The following DAP variants were observed in gnomAD, a reference collection of about 807,000 sequenced individuals.
The protein encoded by DAP is death-associated protein 1.
A neutral mutation model predicts 13.8 loss-of-function variants in DAP; 8 were observed. The ratio of observed to expected loss-of-function variants is 0.58; its 90% CI spans 0.34 to 1.05. The LOEUF (loss-of-function observed/expected upper bound fraction) is 1.05. DAP is among the 50% of genes least tolerant of loss of function. The pLI is 0.03. For missense variants in DAP, 106 were observed against 133.2 expected (o/e 0.80, Z 1.01); for synonymous variants, 47 against 47.5 (o/e 0.99, Z 0.04).
chr5:10,708,309 GAC>G (rs1290762647), intron 2 of DAP, among the ~76,000 whole-genome samples: 10 of 151,506 alleles, frequency 6.6e-5, no homozygotes, highest in African/African-American at 9.8e-5. Context: ...CACACATAGA[GAC>G]ACACAGACAC....
chr5:10,705,100 C>G (rs1738666128), intron 2 of DAP, among the ~76,000 whole-genome samples: 1 of 152,162 alleles, frequency 6.6e-6, no homozygotes, highest in South Asian at 2.1e-4. Flanking sequence ...TGAAATGCCC[C>G]TTAGTGTAAT....
intron 2 of DAP, among the ~76,000 whole-genome samples, chr5:10,730,191 ATTTTG>A (rs574154781): frequency 1.2e-3 from 181 of 152,186 alleles, no homozygotes; most frequent in African/African-American, 3.9e-3. Context: ...GAGAAGAGGG[ATTTTG>A]TTTTGCTCAC....
chr5:10,710,594 G>A (rs1024579769), intron 2 of DAP, among the ~76,000 whole-genome samples: 1 of 152,226 alleles, frequency 6.6e-6, no homozygotes, highest in African/African-American at 2.4e-5. Flanking sequence ...AGGGTGCAGA[G>A]GAAGGCACGA....
intron 2 of DAP, among the ~76,000 whole-genome samples, chr5:10,730,644 AG>A (rs1739430391): frequency 4.8e-4 from 14 of 29,338 alleles, no homozygotes; most frequent in East Asian, 9.7e-4. Context: ...GAGCCCTGGT[AG>A]GGGGGAATCT....
intron 2 of DAP, among the ~76,000 whole-genome samples, chr5:10,712,497 G>A (rs574015861): frequency 2.0e-5 from 3 of 152,202 alleles, no homozygotes; most frequent in Non-Finnish European, 4.4e-5. Flanking sequence ...CACATAGGAA[G>A]GGCAGGAGAG....
Position 10,680,587 on chromosome 5 carries a change from G to T in DAP, c.*469C>A. 1.3e-6 allele frequency: 1 copy of T among 780,392 alleles called. No homozygotes were observed. The highest frequency in any genetic ancestry group is 2.0e-6 in the Non-Finnish European group (1 of 499,654). The allele number at this position is 780,392 out of a possible 1,614,324, so 48.3% of individuals were successfully genotyped here. On this transcript the variant is annotated 3_prime_UTR_variant, in exon 4 of 4. Coordinates refer to ENST00000230895, the MANE Select transcript of DAP (RefSeq NM_004394.3). The stretch of plus-strand genomic sequence containing the variant: ...GTTCCCTGCCTCTAAGGTCCTTTAT[G>T]AGGGGCCGCCCAAACTCATTCCCTT...
intron 2 of DAP, among the ~76,000 whole-genome samples, chr5:10,703,444 G>C (rs529008453): frequency 1.3e-5 from 2 of 152,284 alleles, no homozygotes; most frequent in East Asian, 3.9e-4. Flanking sequence ...GCAGGTCTTT[G>C]CTGCGCATCA....
At chr5:10,711,897 C>A (rs1738863556) in intron 2 of DAP, among the ~76,000 whole-genome samples, 1 of 152,188 alleles carries the variant, frequency 6.6e-6, no homozygotes, top group African/African-American at 2.4e-5. Flanking sequence ...CAGGACCAGG[C>A]AGGGCAGGAA....
intron 2 of DAP, among the ~76,000 whole-genome samples, chr5:10,710,288 C>T (rs554924170): frequency 1.3e-5 from 2 of 152,320 alleles, no homozygotes; most frequent in Admixed American, 6.5e-5. Flanking sequence ...GTCCTGTAAA[C>T]GGATATCACA....
intron 2 of DAP, among the ~76,000 whole-genome samples, chr5:10,699,002 T>C (rs1579791683): frequency 6.6e-6 from 1 of 152,210 alleles, no homozygotes. Flanking sequence ...TTGGTTCAGG[T>C]GAGCTCTAAA....
chr5:10,750,492 C>T (rs890586744), intron 1 of DAP, among the ~76,000 whole-genome samples: 7 of 152,294 alleles, frequency 4.6e-5, no homozygotes, highest in African/African-American at 1.2e-4. Context: ...CTCTTCTCAA[C>T]GGAGAGGACA....
intron 2 of DAP, among the ~76,000 whole-genome samples, chr5:10,746,232 T>C (rs1490045225): frequency 1.3e-5 from 2 of 152,138 alleles, no homozygotes; most frequent in East Asian, 1.9e-4. Flanking sequence ...CCTACAGATA[T>C]ACAATTGTGA....
chr5:10,754,570 A>G (rs889978309), intron 1 of DAP, among the ~76,000 whole-genome samples: 2 of 152,144 alleles, frequency 1.3e-5, no homozygotes, highest in African/African-American at 2.4e-5. Flanking sequence ...CATCCTTGAC[A>G]TAGTTTCTGA....
At chr5:10,719,163 C>T (rs1178786813) in intron 2 of DAP, among the ~76,000 whole-genome samples, 1 of 152,244 alleles carries the variant, frequency 6.6e-6, no homozygotes, top group Non-Finnish European at 1.5e-5. Context: ...CCTCCTGCAA[C>T]CAAGAAAGAG....
chr5:10,681,335 T>G (rs1579779682), intron 3 of DAP, among the ~76,000 whole-genome samples, 166 bp from the exon 4 acceptor site: 5 of 137,426 alleles, frequency 3.6e-5, no homozygotes, highest in East Asian at 2.2e-4. Flanking sequence ...AAGCATGGGG[T>G]TTGTATGTGA....
chr5:10,698,636 G>A (rs1738490410), intron 2 of DAP, among the ~76,000 whole-genome samples: 1 of 152,116 alleles, frequency 6.6e-6, no homozygotes, highest in African/African-American at 2.4e-5. Flanking sequence ...TTAATATTCA[G>A]GGCCCTAAGG....
intron 1 of DAP, among the ~76,000 whole-genome samples, chr5:10,755,255 C>G (rs1740153505): frequency 6.6e-6 from 1 of 152,156 alleles, no homozygotes; most frequent in African/African-American, 2.4e-5. Context: ...TGGGCAGCCT[C>G]TAGAAGCTGG....
chr5:10,682,276 G>C (rs1399497731), intron 3 of DAP, among the ~76,000 whole-genome samples: 1 of 151,578 alleles, frequency 6.6e-6, no homozygotes, highest in African/African-American at 2.4e-5. Context: ...AGGAAGCATG[G>C]GGTTTGTATG....
chr5:10,759,799 G>A (rs1195751108), intron 1 of DAP, among the ~76,000 whole-genome samples: 4 of 126,578 alleles, frequency 3.2e-5, no homozygotes, highest in South Asian at 2.5e-4. Flanking sequence ...TTGTCGCCAA[G>A]GCTGGAGTGC....
Sources: gnomAD v4.1 joint callset for allele counts (sites outside exome capture counted in the v4.1 genomes callset) on GRCh38, gnomAD v4.1.1 for gene constraint, MANE v1.5 for transcripts, NCBI Gene and HGNC (gene_info 2026-07-23, HGNC 2026-07-21) for gene names.